PCDHGB3: variants seen among roughly 807,000 people sequenced by gnomAD.
PCDHGB3 encodes protocadherin gamma-B3.
Under a neutral mutation model 59.2 loss-of-function variants are expected in PCDHGB3, and 40 were observed. That is an observed-to-expected ratio of 0.68 (90% CI 0.52 to 0.88). The LOEUF is 0.88. Ranked by LOEUF, PCDHGB3 falls within the 40% of genes least tolerant of loss-of-function variation. The pLI, the probability that PCDHGB3 is intolerant of heterozygous loss-of-function variation, is 0.00. For missense variants in PCDHGB3, 1,309 were observed against 1,187.9 expected, an observed-to-expected ratio of 1.10 and a Z score of -1.50; for synonymous variants, 581 against 503.6, an observed-to-expected ratio of 1.15 and a Z score of -2.06.
At chr5:141,385,015 G>C in intron 1 of PCDHGB3, 2 of 1,614,018 alleles carry the variant, frequency 1.2e-6, no homozygotes, top group South Asian at 2.2e-5. Context: ...CGTCTTCCTA[G>C]CCTTCGTCCT....
chr5:141,505,681 G>A (rs113733387), intron 3 of PCDHGB3, among the ~76,000 whole-genome samples, 200 bp downstream of exon 3: 92 of 152,324 alleles, frequency 6.0e-4, no homozygotes, highest in African/African-American at 2.1e-3. Flanking sequence ...GGGGTCCTGG[G>A]ATGCCTGGAG....
chr5:141,429,751 A>AT (rs2097241304), intron 1 of PCDHGB3, among the ~76,000 whole-genome samples: 1 of 152,110 alleles, frequency 6.6e-6, no homozygotes, highest in African/African-American at 2.4e-5. Flanking sequence ...CTTAGGGAGA[A>AT]TTTTTTCCCT....
intron 1 of PCDHGB3, among the ~76,000 whole-genome samples, chr5:141,484,122 T>C (rs1343894991): frequency 6.6e-6 from 1 of 152,180 alleles, no homozygotes; most frequent in African/African-American, 2.4e-5. Context: ...CAAGAATACC[T>C]TGGTGTCAGA....
chr5:141,410,852 T>A, intron 1 of PCDHGB3: 1 of 284,264 alleles, frequency 3.5e-6, no homozygotes. Context: ...TCTTTGTCTT[T>A]TTTTTTTTTT....
At chr5:141,445,070 A>G (rs185808898) in intron 1 of PCDHGB3, among the ~76,000 whole-genome samples, 30 of 152,306 alleles carry the variant, frequency 2.0e-4, no homozygotes, top group African/African-American at 7.2e-4. Context: ...TATATTTCTC[A>G]TTAAATTGTC....
intron 2 of PCDHGB3, among the ~76,000 whole-genome samples, chr5:141,496,116 C>G (rs1435887981): frequency 6.6e-6 from 1 of 152,178 alleles, no homozygotes; most frequent in Middle Eastern, 3.4e-3. Flanking sequence ...TCTCTTCCTT[C>G]CCTGCCCCTC....
chr5:141,504,242 GTTC>G (rs903218038), intron 2 of PCDHGB3, among the ~76,000 whole-genome samples: 25 of 152,170 alleles, frequency 1.6e-4, no homozygotes, highest in African/African-American at 5.1e-4. Context: ...GAAGCAGAGA[GTTC>G]TTCTTATGGT....
At chr5:141,394,482 G>A in intron 1 of PCDHGB3, 1 of 1,614,240 alleles carries the variant, frequency 6.2e-7, no homozygotes, top group Non-Finnish European at 8.5e-7. Context: ...GGACCAGAAT[G>A]ACAACGCGCC....
intron 1 of PCDHGB3, chr5:141,398,640 ACT>A (rs2093681875): frequency 1.9e-6 from 3 of 1,613,828 alleles, no homozygotes; most frequent in Non-Finnish European, 2.5e-6. Flanking sequence ...AGAAGTATAA[ACT>A]CTCTCTTAAC....
At chr5:141,472,980 C>CAAAAAAAAAA (rs60579131) in intron 1 of PCDHGB3, among the ~76,000 whole-genome samples, 34 of 85,838 alleles carry the variant, frequency 4.0e-4, no homozygotes, top group South Asian at 1.3e-3. Context: ...GAGTGAAACT[C>CAAAAAAAAAA]AAAAAAAAAA....
At chr5:141,454,721 A>G (rs2098797156) in intron 1 of PCDHGB3, among the ~76,000 whole-genome samples, 1 of 146,810 alleles carries the variant, frequency 6.8e-6, no homozygotes, top group South Asian at 2.2e-4. Flanking sequence ...ATTCCATATT[A>G]TATGTTATAG....
intron 1 of PCDHGB3, chr5:141,478,713 G>A (rs745990290): frequency 1.9e-6 from 3 of 1,546,642 alleles, no homozygotes; most frequent in African/African-American, 2.7e-5. Context: ...TTGTGAGATG[G>A]TGGCCTGCCA....
Position 141,432,484 on chromosome 5 carries a change from G to A in PCDHGB3, c.2415+59675G>A, listed in dbSNP as rs1164877592. On this transcript the variant is annotated intron_variant, in intron 1 of 3. Transcript: ENST00000576222. The surrounding 1 kb of genome is among the most constrained non-coding windows in gnomAD (Gnocchi z 6.0). ...TCCCCACGGACGGTTCCACTGGCGTGGAGCTGGCTCCCCGCTCCGCAGAGC... is the reference window on the plus strand; with the variant it reads ...TCCCCACGGACGGTTCCACTGGCGTAGAGCTGGCTCCCCGCTCCGCAGAGC... 8.7e-6 allele frequency: 14 copies of A among 1,614,196 alleles called. No individual in the cohort carries two copies. Among genetic ancestry groups the A allele is most frequent in the Non-Finnish European group, 1.2e-5 (14 of 1,180,046 alleles).
At chr5:141,392,771 A>G in intron 1 of PCDHGB3, 1 of 1,514,130 alleles carries the variant, frequency 6.6e-7, no homozygotes, top group Non-Finnish European at 8.8e-7. Flanking sequence ...AGACCCATTT[A>G]TGCACAGTGA....
chr5:141,477,344 A>C lies in PCDHGB3; in HGVS notation c.2416-17463A>C. On this transcript the variant is annotated intron_variant, in intron 1 of 3. Coordinates refer to ENST00000576222, the MANE Select transcript of PCDHGB3 (RefSeq NM_018924.5). The surrounding 1 kb of genome is among the most constrained non-coding windows in gnomAD (Gnocchi z 4.9). Reference sequence around the variant, plus strand: ...TTCCCTCAAGAATTACTTCACTTTGAAAACCAGTGCAGACCTGGATCGGGA... The same window carrying C: ...TTCCCTCAAGAATTACTTCACTTTGCAAACCAGTGCAGACCTGGATCGGGA... 6.2e-7 allele frequency: 1 copy of C among 1,614,154 alleles called. No homozygotes were observed. The highest frequency in any genetic ancestry group is 8.5e-7 in the Non-Finnish European group (1 of 1,180,034).
intron 1 of PCDHGB3, chr5:141,398,937 C>T (rs2093727338): frequency 1.9e-6 from 3 of 1,613,902 alleles, no homozygotes; most frequent in Non-Finnish European, 2.5e-6. Flanking sequence ...CTGACCAAGA[C>T]GAGGGCATCA....
intron 1 of PCDHGB3, among the ~76,000 whole-genome samples, chr5:141,480,693 G>C (rs1488899685): frequency 2.6e-5 from 4 of 152,096 alleles, no homozygotes; most frequent in Non-Finnish European, 5.9e-5. Context: ...CTGAAACCCA[G>C]GCCACACCCC....
intron 1 of PCDHGB3, chr5:141,375,310 T>C: frequency 6.2e-7 from 1 of 1,613,814 alleles, no homozygotes; most frequent in Non-Finnish European, 8.5e-7. Context: ...CAAATGCAGC[T>C]CTAGACCGGG....
At chr5:141,403,196 G>A (rs762413220) in intron 1 of PCDHGB3, 6 of 1,613,986 alleles carry the variant, frequency 3.7e-6, no homozygotes, top group East Asian at 4.5e-5. Flanking sequence ...CCCGCGCAGC[G>A]GCACCTTGGT....
Sources: gnomAD v4.1 joint callset for allele counts (sites outside exome capture counted in the v4.1 genomes callset) on GRCh38, gnomAD v4.1.1 for gene constraint, Gnocchi (gnomAD v3.1) non-coding constraint, MANE v1.5 for transcripts, NCBI Gene and HGNC (gene_info 2026-07-23, HGNC 2026-07-21) for gene names.